The following PIKFYVE variants were observed in gnomAD, a reference collection of about 807,000 sequenced individuals.
PIKFYVE encodes phosphoinositide kinase, FYVE-type zinc finger containing, also known as 1-phosphatidylinositol 3-phosphate 5-kinase.
Under a neutral mutation model 257.9 loss-of-function variants are expected in PIKFYVE, and 122 were observed. The observed-to-expected ratio is 0.47, with a 90% confidence interval of 0.41 to 0.55. The LOEUF is 0.55. Among genes scored for constraint, PIKFYVE ranks in the 20% least tolerant of loss-of-function variants. The pLI is 0.00. For synonymous variants in PIKFYVE, 892 were observed against 868.9 expected, an observed-to-expected ratio of 1.03 and a Z score of -0.47; for missense variants, 2,160 against 2,536.6, an observed-to-expected ratio of 0.85 and a Z score of 3.19.
chr2:208,317,694 T>C (rs1695706087), intron 15 of PIKFYVE, among the ~76,000 whole-genome samples, 173 bp from the exon 16 acceptor site: 1 of 152,204 alleles, frequency 6.6e-6, no homozygotes, highest in African/African-American at 2.4e-5. Context: ...AACAGAGTCA[T>C]GCAGAGATGC....
intron 23 of PIKFYVE, among the ~76,000 whole-genome samples, chr2:208,331,377 G>A (rs1220886881): frequency 6.6e-6 from 1 of 151,838 alleles, no homozygotes; most frequent in East Asian, 1.9e-4. Flanking sequence ...ACCTTAATTA[G>A]GTTCTTTCTT....
At chr2:208,313,862 C>T (rs1022086189) in intron 13 of PIKFYVE, among the ~76,000 whole-genome samples, 4 of 152,130 alleles carry the variant, frequency 2.6e-5, no homozygotes, top group African/African-American at 7.2e-5. Context: ...GAATTACAGG[C>T]GTGAGCTACC....
Position 208,290,505 on chromosome 2 carries a change from T to C in PIKFYVE, c.911+1687T>C, listed in dbSNP as rs79741610. On this transcript the variant is annotated intron_variant, in intron 7 of 41. Transcript: ENST00000264380. ...CCCATTGGCTGGATACACTATAGTT[T>C]ATCTACTCACCTACTGAAGGACATC... is the stretch of plus-strand genomic sequence containing the variant. Among the ~76,000 whole-genome samples, 511 of 152,352 alleles carry C rather than the reference T, an allele frequency of 3.4e-3. 3 individuals are homozygous for C. Among genetic ancestry groups the C allele is most frequent in the African/African-American group, 0.012 (494 of 41,584 alleles).
chr2:208,303,423 T>C (rs1693959333), intron 10 of PIKFYVE, among the ~76,000 whole-genome samples: 1 of 152,202 alleles, frequency 6.6e-6, no homozygotes, highest in Admixed American at 6.5e-5. Flanking sequence ...GGAATCTTTA[T>C]TGATAACAGA....
intron 15 of PIKFYVE, among the ~76,000 whole-genome samples, chr2:208,316,732 A>G (rs1695567973): frequency 6.6e-6 from 1 of 152,226 alleles, no homozygotes; most frequent in East Asian, 1.9e-4. Context: ...ACTTCAAACT[A>G]TACTACAAGG....
intron 18 of PIKFYVE, 60 bp downstream of exon 18, chr2:208,324,342 C>A (rs1407340608): frequency 3.2e-6 from 5 of 1,538,636 alleles, no homozygotes; most frequent in South Asian, 1.1e-5. Flanking sequence ...AATTTATATG[C>A]ACGTATGGTA....
In PIKFYVE at chr2:208,327,292, C is replaced by T. The variant is rs186999775; in HGVS notation, c.3618+863C>T. Among the ~76,000 whole-genome samples, 520 of 152,230 alleles carry T rather than the reference C, an allele frequency of 3.4e-3. 1 individual carries two copies. Among genetic ancestry groups the T allele is most frequent in the African/African-American group, 0.012 (497 of 41,540 alleles). ...TTTATAGAAAGTGATAGGAAAGTCT[C>T]CATTAATTTACACATACATGTATAT... On this transcript the variant is annotated intron_variant, in intron 20 of 41. Transcript: ENST00000264380.
At chr2:208,310,148 T>C (rs917964847) in intron 12 of PIKFYVE, among the ~76,000 whole-genome samples, 5 of 152,210 alleles carry the variant, frequency 3.3e-5, no homozygotes, top group Admixed American at 3.3e-4. Flanking sequence ...AGATGAACAC[T>C]GATTATCAGA....
At position 208,355,564 on chromosome 2, in the gene PIKFYVE, C is replaced by A; in HGVS notation, c.*259C>A. ...CTTAAGCTAAAATACAGACATGTTTCAAAGGGCTAAAGTTGGAGATGAGTA... is the reference window on the plus strand; with the variant it reads ...CTTAAGCTAAAATACAGACATGTTTAAAAGGGCTAAAGTTGGAGATGAGTA... On this transcript the variant is annotated 3_prime_UTR_variant, in exon 42 of 42. Coordinates refer to ENST00000264380, the MANE Select transcript of PIKFYVE (RefSeq NM_015040.4). 2.5e-6 allele frequency: 1 copy of A among 398,460 alleles called. No homozygotes were observed. Among genetic ancestry groups the A allele is most frequent in the East Asian group, 5.1e-5 (1 of 19,760 alleles). The allele number at this position is 398,460 out of a possible 1,614,324, so 24.7% of individuals were successfully genotyped here. A position where few individuals can be genotyped will look rare whatever the true frequency, so the allele number is the denominator to read the frequency against.
chr2:208,268,712 G>A (rs764050521), intron 1 of PIKFYVE, among the ~76,000 whole-genome samples: 1 of 151,462 alleles, frequency 6.6e-6, no homozygotes, highest in Non-Finnish European at 1.5e-5. Context: ...TATTCTCAGT[G>A]GAAGATATTA....
Position 208,325,265 on chromosome 2 carries a change from T to C in PIKFYVE, c.2459-5T>C, listed in dbSNP as rs1428506675. 1.2e-6 allele frequency: 2 copies of C among 1,613,184 alleles called. No individual in the cohort carries two copies. The highest frequency in any genetic ancestry group is 1.3e-5 in the African/African-American group (1 of 74,926). ...TCTTAACTTTCTGTTTGTTTTTGTT[T>C]GTAGAACAAACCAAGACACTGATGT... is the stretch of plus-strand genomic sequence containing the variant. On this transcript the variant is annotated splice_region_variant and splice_polypyrimidine_tract_variant and intron_variant, in intron 19 of 41. Coordinates refer to ENST00000264380, the MANE Select transcript of PIKFYVE (RefSeq NM_015040.4).
intron 12 of PIKFYVE, among the ~76,000 whole-genome samples, chr2:208,306,633 C>T (rs1034250918): frequency 4.6e-5 from 7 of 152,162 alleles, no homozygotes; most frequent in African/African-American, 1.7e-4. Flanking sequence ...AACTTGAGAA[C>T]ATTCGGAGTG....
rs1229457866 is a variant in PIKFYVE, at chr2:208,285,748, T to C, written c.636T>C (p.Tyr212=). The C allele has an allele frequency of 6.2e-7, 1 of 1,614,014 alleles. No individual in the cohort carries two copies. The highest frequency in any genetic ancestry group is 2.2e-5 in the East Asian group (1 of 44,876). ...TAGGAGACCTCCGAGCTTGCACATA[T>C]TGTAGAAAAATAGCCTTAAGTTATG... is the stretch of plus-strand genomic sequence containing the variant. The part of the protein sequence containing the change: ...GYTGDLRACT[Y]CRKIALSYAH... Residue 212 remains tyrosine, a synonymous_variant, in exon 6 of 42, where the codon TAT becomes TAC. Transcript: ENST00000264380.
At chr2:208,313,521 G>A (rs182966910) in intron 13 of PIKFYVE, among the ~76,000 whole-genome samples, 2 of 151,078 alleles carry the variant, frequency 1.3e-5, no homozygotes, top group East Asian at 1.9e-4. Flanking sequence ...CATCACTCTC[G>A]CTATCATGTG....
At chr2:208,299,417 G>A (rs1023998043) in intron 8 of PIKFYVE, among the ~76,000 whole-genome samples, 6 of 152,080 alleles carry the variant, frequency 3.9e-5, no homozygotes, top group Non-Finnish European at 7.4e-5. Flanking sequence ...AGCCTCCTGA[G>A]TAGCTGGGAC....
At chr2:208,343,590 A>G (rs1698932491) in intron 32 of PIKFYVE, among the ~76,000 whole-genome samples, 1 of 152,222 alleles carries the variant, frequency 6.6e-6, no homozygotes, top group Admixed American at 6.5e-5. Flanking sequence ...ATACTACAAC[A>G]AAAGTTATGT....
At chr2:208,276,647 A>G in intron 3 of PIKFYVE, 65 bp from the exon 4 acceptor site, 2 of 1,145,118 alleles carry the variant, frequency 1.7e-6, no homozygotes, top group Non-Finnish European at 2.7e-6. Context: ...CATCACATAT[A>G]TACCTTGTTG....
intron 19 of PIKFYVE, 22 bp downstream of exon 19, chr2:208,325,059 T>C (rs1399786193): frequency 6.2e-7 from 1 of 1,613,960 alleles, no homozygotes; most frequent in East Asian, 2.2e-5. Flanking sequence ...TTAGCATAGA[T>C]TGACCTGAGG....
rs184106890 is a variant in PIKFYVE, at chr2:208,348,714, G to A, written c.5374+691G>A. On this transcript the variant is annotated intron_variant, in intron 35 of 41. Transcript: ENST00000264380. The stretch of plus-strand genomic sequence containing the variant: ...TGATGACCTGTTTTTGTAAATTAAC[G>A]TTTATTGGGAAACAGACCCATTCAT... 3.5e-4 allele frequency among the ~76,000 whole-genome samples: 53 copies of A among 150,518 alleles called. No homozygotes were observed. In the East Asian group the frequency reaches 9.1e-3, roughly 26 times the overall value.
Sources: gnomAD v4.1 joint callset for allele counts (sites outside exome capture counted in the v4.1 genomes callset) on GRCh38, gnomAD v4.1.1 for gene constraint, MANE v1.5 for transcripts, NCBI Gene and HGNC (gene_info 2026-07-23, HGNC 2026-07-21) for gene names.